NHSL1: variants seen among roughly 807,000 people sequenced by gnomAD.
NHSL1 encodes the protein NHS-like protein 1.
NHSL1 carries 48 observed loss-of-function variants against 95.0 expected under a neutral mutation model. That is an observed-to-expected ratio of 0.51 (90% CI 0.40 to 0.64). NHSL1 has a LOEUF of 0.64. Ranked by LOEUF, NHSL1 falls within the 30% of genes least tolerant of loss-of-function variation. NHSL1 has a pLI of 0.00. For missense variants in NHSL1, 1,971 were observed against 2,077.7 expected, an observed-to-expected ratio of 0.95 and a Z score of 1.00; for synonymous variants, 783 against 833.9, an observed-to-expected ratio of 0.94 and a Z score of 1.05.
chr6:138,547,985 T>C (rs576922581), upstream of NHSL1, among the ~76,000 whole-genome samples: 5 of 152,268 alleles, frequency 3.3e-5, no homozygotes, highest in Non-Finnish European at 5.9e-5. Context: ...CTTAGAGACT[T>C]AAGACTTTTG....
intron 1 of NHSL1, chr6:138,650,780 A>T: frequency 3.7e-6 from 2 of 543,170 alleles, no homozygotes; most frequent in Non-Finnish European, 7.5e-6. Flanking sequence ...TCTTCATATC[A>T]CCCTTGTTGG....
At chr6:138,680,339 G>A (rs922704579) in intron 1 of NHSL1, among the ~76,000 whole-genome samples, 4 of 152,108 alleles carry the variant, frequency 2.6e-5, no homozygotes, top group East Asian at 1.9e-4. Context: ...CTAGTACACC[G>A]CAGTCAGGTT....
chr6:138,518,255 A>T (rs1393425043), intron 1 of NHSL1, among the ~76,000 whole-genome samples: 2 of 152,182 alleles, frequency 1.3e-5, no homozygotes, highest in East Asian at 1.9e-4. Context: ...CTTTGACTCA[A>T]ATTGTATCAG....
intron 1 of NHSL1, among the ~76,000 whole-genome samples, chr6:138,685,992 G>A (rs1785580122): frequency 2.0e-5 from 3 of 152,104 alleles, no homozygotes; most frequent in South Asian, 4.2e-4. Context: ...ACTCATAGAA[G>A]CAGAGAGTAC....
At chr6:138,593,336 C>G (rs146550998) in intron 1 of NHSL1, among the ~76,000 whole-genome samples, 2 of 152,212 alleles carry the variant, frequency 1.3e-5, no homozygotes, top group African/African-American at 4.8e-5. Context: ...CGTGATTCCC[C>G]GTTCATAGTC....
intron 1 of NHSL1, among the ~76,000 whole-genome samples, chr6:138,594,303 T>C (rs1008087089): frequency 1.3e-5 from 2 of 152,224 alleles, no homozygotes; most frequent in Admixed American, 1.3e-4. Flanking sequence ...GGAGTATCTA[T>C]TCAGTCATTT....
Position 138,473,429 on chromosome 6 carries a change from G to A in NHSL1, c.216C>T (p.Cys72=), listed in dbSNP as rs756866973. Residue 72 remains cysteine (C), a synonymous_variant, in exon 3 of 8, where the codon TGC becomes TGT. Coordinates refer to ENST00000343505, the MANE Select transcript of NHSL1 (RefSeq NM_001144060.2). ...GGTAGCCATCATGCCGCAACTTATC[G>A]CATTCTGCAGAGGGGCACGCAGGGA... is the stretch of plus-strand genomic sequence containing the variant. ...KLNLKSVLRE[C]DKLRHDGYRS... 62 of 1,493,400 alleles carry A rather than the reference G, an allele frequency of 4.2e-5. No individual in the cohort carries two copies. Among genetic ancestry groups the A allele is most frequent in the Non-Finnish European group, 4.7e-5 (53 of 1,117,280 alleles). The allele number at this position is 1,493,400 out of a possible 1,614,324, so 92.5% of individuals were successfully genotyped here. A position where few individuals can be genotyped will look rare whatever the true frequency, so the allele number is the denominator to read the frequency against.
Position 138,489,591 on chromosome 6 carries a change from C to A in NHSL1, c.211+6628G>T, listed in dbSNP as rs1779908677. Among the ~76,000 whole-genome samples the A allele has an allele frequency of 1.3e-5, 2 of 151,264 alleles. 1 individual carries two copies. Among genetic ancestry groups the A allele is most frequent in the South Asian group, 4.2e-4 (2 of 4,770 alleles). Reference sequence around the variant, plus strand: ...ACCAGACAGGGCAACAAGGCAAGACCCTATCTCTACAAATACAAAAGCTAG... The same window carrying A: ...ACCAGACAGGGCAACAAGGCAAGACACTATCTCTACAAATACAAAAGCTAG... On this transcript the variant is annotated intron_variant, in intron 2 of 7. Coordinates refer to ENST00000343505, the MANE Select transcript of NHSL1 (RefSeq NM_001144060.2).
chr6:138,621,012 G>T (rs910466116), intron 1 of NHSL1, among the ~76,000 whole-genome samples: 4 of 152,166 alleles, frequency 2.6e-5, no homozygotes, highest in Admixed American at 1.3e-4. Context: ...GTGCTAGTGT[G>T]GGGGATAAGG....
At chr6:138,686,158 CA>C (rs548325684) in intron 1 of NHSL1, among the ~76,000 whole-genome samples, 61 of 143,420 alleles carry the variant, frequency 4.3e-4, no homozygotes, top group African/African-American at 2.0e-4. Flanking sequence ...GTGTTCTTAC[CA>C]AAAAAAAAAG....
intron 5 of NHSL1, among the ~76,000 whole-genome samples, chr6:138,441,613 C>T (rs746668702): frequency 3.3e-5 from 5 of 152,194 alleles, no homozygotes; most frequent in African/African-American, 1.2e-4. Context: ...CATAATCTGA[C>T]GTCCTAGAAT....
intron 1 of NHSL1, among the ~76,000 whole-genome samples, chr6:138,535,379 CACAGTAAA>C (rs1307078841): frequency 1.3e-5 from 2 of 151,968 alleles, no homozygotes. Flanking sequence ...GTCTCGGCAA[CACAGTAAA>C]ACCCCACCTC....
Position 138,569,187 on chromosome 6 carries a change from G to A in NHSL1, c.202+2523C>T, listed in dbSNP as rs143053017. 3.9e-3 allele frequency among the ~76,000 whole-genome samples: 593 copies of A among 152,164 alleles called. 4 individuals are homozygous for A. Among genetic ancestry groups the A allele is most frequent in the Non-Finnish European group, 3.6e-3 (242 of 68,016 alleles). ...CAGGGGGACAACTGATGCGAGGCTA[G>A]CTTGTTAAGCTACAGTTGCCCTACA... On this transcript the variant is annotated intron_variant, in intron 1 of 6. Transcript: ENST00000427025.
intron 1 of NHSL1, among the ~76,000 whole-genome samples, chr6:138,610,556 T>A (rs1185108285): frequency 0.018 from 1,310 of 73,154 alleles, 23 homozygotes; most frequent in African/African-American, 0.087. Context: ...AAAATATATA[T>A]ATATTATATA....
At chr6:138,615,334 A>T (rs1784564742) in intron 1 of NHSL1, among the ~76,000 whole-genome samples, 3 of 152,244 alleles carry the variant, frequency 2.0e-5, no homozygotes, top group Admixed American at 2.0e-4. Context: ...TTGCTGGTGG[A>T]AATTATGATT....
At chr6:138,639,641 CAAA>C (rs1225019773) in intron 1 of NHSL1, among the ~76,000 whole-genome samples, 1 of 116,230 alleles carries the variant, frequency 8.6e-6, no homozygotes. Flanking sequence ...GACTCCGTCT[CAAA>C]AAAAAAAAAA....
intron 1 of NHSL1, among the ~76,000 whole-genome samples, chr6:138,568,225 G>A (rs1167237963): frequency 6.6e-6 from 1 of 152,076 alleles, no homozygotes; most frequent in Non-Finnish European, 1.5e-5. Flanking sequence ...TCATCGTGTT[G>A]CACTTTTTCA....
In NHSL1 at chr6:138,433,011, T is replaced by C. The variant is rs1050971272; in HGVS notation, c.1334A>G (p.His445Arg). The change falls in exon 6 of 8, where the codon CAT becomes CGT. Residue 445 changes from histidine (H) to arginine (R), a missense_variant. This residue lies in a region of NHSL1 where 1,602 missense variants were observed against 1,654.5 expected (regional missense o/e 0.97). Transcript: ENST00000343505. ...GTGGTCTCTGGATTTTATCCTTGCA[T>C]GTGATGAGCCAGAACTTTTACTTTC... ...QRESKSSGSS[H>R]ARIKSRDHLI... The C allele has an allele frequency of 1.3e-6, 2 of 1,551,618 alleles. No homozygotes were observed. Among genetic ancestry groups the C allele is most frequent in the African/African-American group, 1.4e-5 (1 of 73,148 alleles).
chr6:138,491,991 T>C (rs2128280870), intron 2 of NHSL1, among the ~76,000 whole-genome samples: 1 of 152,338 alleles, frequency 6.6e-6, no homozygotes. Context: ...TCATTAGCAG[T>C]GAATCATTAC....
Sources: gnomAD v4.1 joint callset for allele counts (sites outside exome capture counted in the v4.1 genomes callset) on GRCh38, gnomAD v4.1.1 for gene constraint, gnomAD v4.1.1 regional missense constraint, MANE v1.5 for transcripts, NCBI Gene and HGNC (gene_info 2026-07-23, HGNC 2026-07-21) for gene names.